OTOGL: variants seen among roughly 807,000 people sequenced by gnomAD.
OTOGL encodes otogelin like.
A neutral mutation model predicts 318.5 loss-of-function variants in OTOGL; 285 were observed. The ratio of observed to expected loss-of-function variants is 0.89; its 90% confidence interval spans 0.81 to 0.99. The LOEUF (loss-of-function observed/expected upper bound fraction) is 0.99. Ranked by LOEUF, OTOGL falls within the 50% of genes least tolerant of loss-of-function variation. The pLI is 0.00. For missense variants in OTOGL, 2,899 were observed against 2,845.6 expected (o/e 1.02, Z -0.43); for synonymous variants, 987 against 936.5 (o/e 1.05, Z -0.99).
At chr12:80,284,016 C>T (rs1258077917) in intron 26 of OTOGL, among the ~76,000 whole-genome samples, 2 of 152,138 alleles carry the variant, frequency 1.3e-5, no homozygotes, top group East Asian at 3.9e-4. Flanking sequence ...TCCTAATGCT[C>T]TCCCTCCCTT....
At chr12:80,183,878 C>T (rs528074557) in intron 1 of OTOGL, among the ~76,000 whole-genome samples, 8 of 152,112 alleles carry the variant, frequency 5.3e-5, no homozygotes, top group South Asian at 2.1e-4. Context: ...CAAGTGGCAT[C>T]GTGATTCCCT....
At chr12:80,165,319 T>C (rs1873765400) in intron 1 of OTOGL, among the ~76,000 whole-genome samples, 1 of 152,194 alleles carries the variant, frequency 6.6e-6, no homozygotes, top group African/African-American at 2.4e-5. Flanking sequence ...TGGACATATA[T>C]ACCATTGTGT....
At chr12:80,277,406 A>G (rs2137615137) in intron 24 of OTOGL, among the ~76,000 whole-genome samples, 1 of 147,578 alleles carries the variant, frequency 6.8e-6, no homozygotes, top group East Asian at 2.0e-4. Flanking sequence ...AAATATTTAG[A>G]TAACACACCA....
intron 54 of OTOGL, 32 bp from the exon 55 acceptor site, chr12:80,368,173 T>C (rs758548397): frequency 7.1e-7 from 1 of 1,417,272 alleles, no homozygotes; most frequent in Non-Finnish European, 9.8e-7. Flanking sequence ...AATATTGATA[T>C]GGTGTCGCTA....
chr12:80,118,250 T>C (rs1382643512), intron 1 of OTOGL, among the ~76,000 whole-genome samples: 2 of 152,162 alleles, frequency 1.3e-5, no homozygotes, highest in Admixed American at 6.5e-5. Flanking sequence ...TAACCATGTT[T>C]TGTGCTCCTA....
intron 24 of OTOGL, among the ~76,000 whole-genome samples, chr12:80,272,857 G>T (rs796537806): frequency 3.3e-5 from 5 of 152,206 alleles, no homozygotes; most frequent in African/African-American, 1.2e-4. Flanking sequence ...AGTGCCTGTG[G>T]CTGGGAAAAT....
intron 1 of OTOGL, among the ~76,000 whole-genome samples, chr12:80,140,564 A>G (rs1312306901): frequency 6.6e-6 from 1 of 152,174 alleles, no homozygotes; most frequent in Non-Finnish European, 1.5e-5. Context: ...AACTGGGTTA[A>G]TGTCCCCATG....
At chr12:80,236,892 G>A (rs1334092475) in intron 9 of OTOGL, among the ~76,000 whole-genome samples, 2 of 145,702 alleles carry the variant, frequency 1.4e-5, no homozygotes, top group African/African-American at 5.1e-5. Context: ...TTGGCTCACT[G>A]TAACCTCCTC....
At chr12:80,256,617 T>G (rs1329759218) in intron 17 of OTOGL, among the ~76,000 whole-genome samples, 157 bp downstream of exon 17, 2 of 152,072 alleles carry the variant, frequency 1.3e-5, no homozygotes, top group Non-Finnish European at 2.9e-5. Context: ...CAGCTACAGA[T>G]AGTGATGATG....
chr12:80,168,627 G>C (rs1468839846), intron 1 of OTOGL, among the ~76,000 whole-genome samples: 8 of 152,218 alleles, frequency 5.3e-5, no homozygotes, highest in African/African-American at 1.9e-4. Context: ...GTTACTTTGT[G>C]AAGTAATAAG....
At chr12:80,368,563 A>C (rs1183640213) in intron 55 of OTOGL, among the ~76,000 whole-genome samples, 3 of 152,162 alleles carry the variant, frequency 2.0e-5, no homozygotes, top group African/African-American at 4.8e-5. Context: ...AGATGTAAGA[A>C]ATAGGCTTTG....
intron 5 of OTOGL, among the ~76,000 whole-genome samples, 155 bp downstream of exon 5, chr12:80,217,819 G>C (rs1024494925): frequency 6.6e-6 from 1 of 152,208 alleles, no homozygotes; most frequent in Non-Finnish European, 1.5e-5. Flanking sequence ...TCACTTCTTA[G>C]AGAAATTTGA....
At chr12:80,299,604 G>T (rs544083491) in intron 27 of OTOGL, among the ~76,000 whole-genome samples, 64 of 145,114 alleles carry the variant, frequency 4.4e-4, no homozygotes, top group African/African-American at 1.6e-3. Flanking sequence ...CATCCATCCA[G>T]GGGAAGAAAA....
At chr12:80,216,388 G>A (rs539612319) in intron 4 of OTOGL, among the ~76,000 whole-genome samples, 90 of 152,130 alleles carry the variant, frequency 5.9e-4, no homozygotes, top group Non-Finnish European at 5.0e-4. Context: ...TGTTTATTCT[G>A]GTGAAATATA....
In OTOGL at chr12:80,108,928, A is replaced by ATGTG. The variant is rs1255638977; in HGVS notation, c.-20+9329_-20+9332dup. On this transcript the variant is annotated intron_variant, in intron 1 of 58. Coordinates refer to ENST00000547103, the MANE Select transcript of OTOGL (RefSeq NM_001378609.3). ...TGTGTATATATATGTGTATATATAT[A>ATGTG]TGTGTGTGTATATATATATATATAT... 2.4e-3 allele frequency among the ~76,000 whole-genome samples: 213 copies of ATGTG among 88,148 alleles called. 7 individuals carry two copies. Among genetic ancestry groups the ATGTG allele is most frequent in the African/African-American group, 0.01 (206 of 19,924 alleles). The allele number at this position is 88,148 out of a possible 152,430, so 57.8% of individuals were successfully genotyped here.
intron 1 of OTOGL, among the ~76,000 whole-genome samples, chr12:80,193,057 G>GAAC (rs1875808442): frequency 6.6e-6 from 1 of 151,780 alleles, no homozygotes; most frequent in Non-Finnish European, 1.5e-5. Context: ...TTGGAACATT[G>GAAC]AACATCTAGA....
At chr12:80,310,756 G>C (rs370596641) in intron 30 of OTOGL, 29 bp downstream of exon 30, 1 of 1,484,062 alleles carries the variant, frequency 6.7e-7, no homozygotes, top group South Asian at 1.1e-5. Flanking sequence ...GAACTCTCGA[G>C]TTTCAATATG....
intron 18 of OTOGL, among the ~76,000 whole-genome samples, chr12:80,260,959 A>G (rs760940251): frequency 1.3e-5 from 2 of 152,104 alleles, no homozygotes; most frequent in African/African-American, 2.4e-5. Context: ...ATTTTGTACT[A>G]GGGTGTTTGT....
intron 18 of OTOGL, among the ~76,000 whole-genome samples, chr12:80,261,101 C>T (rs1214044422): frequency 1.3e-5 from 2 of 152,074 alleles, no homozygotes; most frequent in African/African-American, 4.8e-5. Context: ...CTCTGCTGAG[C>T]AGCTCCAGTG....
Sources: allele counts gnomAD v4.1 joint callset (sites outside exome capture counted in the v4.1 genomes callset), GRCh38; gene constraint gnomAD v4.1.1; transcripts MANE v1.5; gene names NCBI Gene and HGNC (gene_info 2026-07-23, HGNC 2026-07-21).